The following PGAP4 variants were observed in gnomAD, a reference collection of about 807,000 sequenced individuals.
The protein encoded by PGAP4 is post-GPI attachment to proteins GalNAc transferase 4.
In PGAP4, 12 loss-of-function variants were observed where a neutral mutation model predicts 28.2. That is an observed-to-expected ratio of 0.42 (90% confidence interval 0.27 to 0.69). The LOEUF (loss-of-function observed/expected upper bound fraction) is 0.69, where lower values mean the gene tolerates loss of function less well. Ranked by LOEUF, PGAP4 falls within the 30% of genes least tolerant of loss-of-function variation. PGAP4 has a pLI of 0.22. For missense variants in PGAP4, 425 were observed against 513.5 expected, an observed-to-expected ratio of 0.83 and a Z score of 1.67; for synonymous variants, 205 against 211.8, an observed-to-expected ratio of 0.97 and a Z score of 0.28.
intron 2 of PGAP4, among the ~76,000 whole-genome samples, chr9:101,523,564 T>G (rs888104047): frequency 1.3e-5 from 2 of 150,616 alleles, no homozygotes; most frequent in Admixed American, 1.3e-4. Context: ...TTTCATTGTT[T>G]TTTTTTCTTT....
At chr9:101,514,506 TTGCATGTGCATG>T (rs144422438) in intron 2 of PGAP4, among the ~76,000 whole-genome samples, 4 of 151,874 alleles carry the variant, frequency 2.6e-5, no homozygotes, top group East Asian at 3.9e-4. Flanking sequence ...TTTTGTATGT[TTGCATGTGCATG>T]TGCATGTGCA....
rs563112165 is a variant in PGAP4 at position 101,515,027 on chromosome 9, T to C, written c.-165+16321A>G. Among the ~76,000 whole-genome samples, 108 of 152,314 alleles carry C rather than the reference T, an allele frequency of 7.1e-4. 1 individual carries two copies. Among genetic ancestry groups the C allele is most frequent in the African/African-American group, 2.3e-3 (95 of 41,564 alleles). ...TTCATTCAACTTTCCAGTCAATCTTTGTTGAGTGCTATGTTAGTTTTCTAC... is the reference window on the plus strand; with the variant it reads ...TTCATTCAACTTTCCAGTCAATCTTCGTTGAGTGCTATGTTAGTTTTCTAC... On this transcript the variant is annotated intron_variant, in intron 2 of 3. Coordinates refer to the PGAP4 transcript ENST00000374851.
chr9:101,520,950 AC>A (rs1804964085), intron 2 of PGAP4, among the ~76,000 whole-genome samples: 1 of 151,940 alleles, frequency 6.6e-6, no homozygotes, highest in Non-Finnish European at 1.5e-5. Context: ...TTTGTTGAAT[AC>A]TTTTTTTGCA....
At position 101,473,483 on chromosome 9, in the gene PGAP4, A is replaced by C. The variant is rs1407169286; in HGVS notation, c.*2398T>G. On this transcript the variant is annotated 3_prime_UTR_variant, in exon 2 of 2. Coordinates refer to ENST00000374848, the MANE Select transcript of PGAP4 (RefSeq NM_032342.3). ...GGGATTAAATGGAGGAAGATCTAGA[A>C]GTGGGTGGGAACAAAAGAGCAGAAC... 1 of 152,262 alleles carries C rather than the reference A, an allele frequency of 6.6e-6. No individual in the cohort carries two copies. The highest frequency in any genetic ancestry group is 2.4e-5 in the African/African-American group (1 of 41,472). 9.4% of individuals were successfully genotyped at this position (152,262 alleles called of 1,614,324 possible).
intron 2 of PGAP4, among the ~76,000 whole-genome samples, chr9:101,504,976 G>A (rs1826837612): frequency 6.6e-6 from 1 of 151,932 alleles, no homozygotes; most frequent in South Asian, 2.1e-4. Context: ...ATGATACTAG[G>A]TCACCCGCCA....
intron 2 of PGAP4, among the ~76,000 whole-genome samples, chr9:101,501,158 C>T (rs1442842209): frequency 6.6e-6 from 1 of 152,066 alleles, no homozygotes; most frequent in Non-Finnish European, 1.5e-5. Flanking sequence ...CAGCATGAAG[C>T]CACATTACCA....
intron 2 of PGAP4, among the ~76,000 whole-genome samples, chr9:101,494,954 A>C (rs1034464914): frequency 6.7e-6 from 1 of 149,960 alleles, no homozygotes; most frequent in Non-Finnish European, 1.5e-5. Context: ...AACTTTAGAA[A>C]AGATTAATAT....
In PGAP4 at chr9:101,476,640, G is replaced by A. The variant is rs762590786; in HGVS notation, c.453C>T (p.Ser151=). The A allele has an allele frequency of 7.4e-6, 12 of 1,614,058 alleles. No individual in the cohort carries two copies. The highest frequency in any genetic ancestry group is 2.7e-5 in the African/African-American group (2 of 74,910). Residue 151 remains serine, a synonymous_variant, in exon 2 of 2, where the codon AGC becomes AGT. Transcript: ENST00000374848. The surrounding 1 kb of genome is among the most constrained non-coding windows in gnomAD (Gnocchi z 7.0). The part of the protein sequence containing the change: ...LFLCNVERSV[S]HFDAKLLSKY... ...TGGAGAGCAACTTGGCATCAAAATG[G>A]CTCACACTACGCTCCACGTTGCACA...
chr9:101,500,198 A>G (rs900737664), intron 2 of PGAP4, among the ~76,000 whole-genome samples: 1 of 152,080 alleles, frequency 6.6e-6, no homozygotes, highest in Non-Finnish European at 1.5e-5. Context: ...CGTCTTAAAA[A>G]CACACAAATT....
At chr9:101,518,886 C>T (rs1256206572) in intron 2 of PGAP4, among the ~76,000 whole-genome samples, 4 of 152,138 alleles carry the variant, frequency 2.6e-5, no homozygotes, top group African/African-American at 9.7e-5. Flanking sequence ...AAGGAATCTC[C>T]ACACTGTTTT....
intron 1 of PGAP4, among the ~76,000 whole-genome samples, chr9:101,482,065 C>T (rs940477883): frequency 4.6e-5 from 7 of 152,166 alleles, no homozygotes; most frequent in African/African-American, 7.2e-5. Flanking sequence ...GTCCAATTCT[C>T]GTCCCAACAC....
intron 2 of PGAP4, among the ~76,000 whole-genome samples, chr9:101,526,421 C>A (rs1177869372): frequency 6.6e-6 from 1 of 152,142 alleles, no homozygotes; most frequent in Non-Finnish European, 1.5e-5. Context: ...ATTACCCTGG[C>A]ATCCAGTACT....
intron 2 of PGAP4, chr9:101,501,927 G>A (rs930892126): frequency 3.3e-5 from 12 of 360,732 alleles, no homozygotes; most frequent in Admixed American, 6.8e-5. Flanking sequence ...AAGAACCAGC[G>A]TCGCCACCAG....
At chr9:101,505,662 T>G (rs1452841358) in intron 2 of PGAP4, among the ~76,000 whole-genome samples, 1 of 152,220 alleles carries the variant, frequency 6.6e-6, no homozygotes, top group South Asian at 2.1e-4. Flanking sequence ...GGACAAAAAA[T>G]GAGGGCTAGA....
At chr9:101,507,475 G>A (rs1012555574) in intron 2 of PGAP4, among the ~76,000 whole-genome samples, 1 of 152,080 alleles carries the variant, frequency 6.6e-6, no homozygotes, top group East Asian at 1.9e-4. Flanking sequence ...GGATATTGCT[G>A]TCTGTGAGTC....
intron 2 of PGAP4, among the ~76,000 whole-genome samples, chr9:101,509,667 C>T (rs1405926248): frequency 6.6e-6 from 1 of 152,146 alleles, no homozygotes; most frequent in Non-Finnish European, 1.5e-5. Context: ...TCATTTTAAT[C>T]ACATGCTGCA....
At chr9:101,508,104 C>G (rs1439551273) in intron 2 of PGAP4, among the ~76,000 whole-genome samples, 1 of 147,552 alleles carries the variant, frequency 6.8e-6, no homozygotes, top group Non-Finnish European at 1.5e-5. Flanking sequence ...CAGGACATTC[C>G]TTTTCAAAAT....
chr9:101,509,307 T>C (rs1826876048), intron 2 of PGAP4, among the ~76,000 whole-genome samples: 1 of 152,160 alleles, frequency 6.6e-6, no homozygotes, highest in Non-Finnish European at 1.5e-5. Flanking sequence ...GTGGCCCCCA[T>C]AATTTTAGTT....
At chr9:101,521,593 C>T (rs1826988665) in intron 2 of PGAP4, among the ~76,000 whole-genome samples, 1 of 151,786 alleles carries the variant, frequency 6.6e-6, no homozygotes, top group Admixed American at 6.6e-5. Context: ...TTATTTGGAT[C>T]TTCTCTTCAT....
Sources: gnomAD v4.1 joint callset for allele counts (sites outside exome capture counted in the v4.1 genomes callset) on GRCh38, gnomAD v4.1.1 for gene constraint, Gnocchi (gnomAD v3.1) non-coding constraint, MANE v1.5 for transcripts, NCBI Gene and HGNC (gene_info 2026-07-23, HGNC 2026-07-21) for gene names.